The following XIRP2 variants were observed in gnomAD, a reference collection of about 807,000 sequenced individuals.
XIRP2 encodes the protein xin actin-binding repeat-containing protein 2.
XIRP2 carries 236 observed loss-of-function variants against 277.0 expected under a neutral mutation model. The observed-to-expected ratio is 0.85, with a 90% confidence interval of 0.77 to 0.95. XIRP2 has a LOEUF of 0.95. XIRP2 is among the 40% of genes least tolerant of loss of function. XIRP2 has a pLI of 0.00. For missense variants in XIRP2, 4,640 were observed against 4,157.5 expected, an observed-to-expected ratio of 1.12 and a Z score of -3.19; for synonymous variants, 1,490 against 1,416.5, an observed-to-expected ratio of 1.05 and a Z score of -1.17.
At chr2:166,981,966 G>A (rs980732578) in intron 2 of XIRP2, among the ~76,000 whole-genome samples, 4 of 152,128 alleles carry the variant, frequency 2.6e-5, no homozygotes, top group East Asian at 3.9e-4. Context: ...CCATTAACTC[G>A]TTTAACTCAT....
intron 3 of XIRP2, among the ~76,000 whole-genome samples, chr2:167,160,995 G>A (rs1692346922): frequency 6.6e-6 from 1 of 152,162 alleles, no homozygotes; most frequent in South Asian, 2.1e-4. Context: ...CCAAAACAAA[G>A]GGGCTATAGG....
intron 2 of XIRP2, among the ~76,000 whole-genome samples, chr2:166,965,564 G>GT (rs1383189665): frequency 1.3e-5 from 2 of 151,580 alleles, no homozygotes; most frequent in African/African-American, 2.4e-5. Flanking sequence ...TTCTAAATTT[G>GT]TTTTTTTGTG....
chr2:166,901,676 T>C (rs930684197), intron 1 of XIRP2, among the ~76,000 whole-genome samples: 2 of 152,152 alleles, frequency 1.3e-5, no homozygotes, highest in African/African-American at 4.8e-5. Context: ...CGTCCACATA[T>C]GAGACACAGA....
At chr2:166,915,471 A>G (rs939071888) in intron 2 of XIRP2, among the ~76,000 whole-genome samples, 1 of 152,168 alleles carries the variant, frequency 6.6e-6, no homozygotes, top group Non-Finnish European at 1.5e-5. Context: ...CTGGTTGCCC[A>G]GTTTAGAATA....
At chr2:166,977,322 C>T (rs762119376) in intron 2 of XIRP2, among the ~76,000 whole-genome samples, 10 of 152,124 alleles carry the variant, frequency 6.6e-5, no homozygotes, top group Non-Finnish European at 1.5e-4. Context: ...AACCCATTCT[C>T]GCAGTCAGCA....
At chr2:166,934,713 C>G (rs1685443898) in intron 2 of XIRP2, among the ~76,000 whole-genome samples, 1 of 152,136 alleles carries the variant, frequency 6.6e-6, no homozygotes, top group African/African-American at 2.4e-5. Context: ...CCACTTTCCT[C>G]TCAAAAATGT....
intron 2 of XIRP2, among the ~76,000 whole-genome samples, chr2:166,937,295 G>C (rs1480352324): frequency 6.6e-6 from 1 of 152,146 alleles, no homozygotes; most frequent in Non-Finnish European, 1.5e-5. Flanking sequence ...TTTTTAGCAT[G>C]AAGGGCTACT....
rs1200812972 is a variant in XIRP2, at chr2:167,027,582, CT to C, written c.409-108326del. Among the ~76,000 whole-genome samples the C allele has an allele frequency of 5.3e-5, 8 of 152,126 alleles. No homozygotes were observed. In the East Asian group the frequency reaches 1.4e-3, roughly 26 times the overall value. On this transcript the variant is annotated intron_variant, in intron 2 of 10. Coordinates refer to ENST00000409195, the MANE Select transcript of XIRP2 (RefSeq NM_152381.6). ...ATTCCTTTGGAGGAGGAGAGGTACT[CT>C]GCTTTTTAGAGTTTCCAGGTTTTCT... is the stretch of plus-strand genomic sequence containing the variant.
chr2:167,109,824 T>TCATCAG (rs1366861458), intron 2 of XIRP2, among the ~76,000 whole-genome samples: 2 of 152,186 alleles, frequency 1.3e-5, no homozygotes, highest in African/African-American at 4.8e-5. Context: ...CTCCACTACC[T>TCATCAG]CATCAGCATC....
intron 2 of XIRP2, among the ~76,000 whole-genome samples, chr2:167,029,582 T>G (rs1688272556): frequency 6.6e-6 from 1 of 152,136 alleles, no homozygotes; most frequent in South Asian, 2.1e-4. Context: ...GATAAGCTTT[T>G]TGGTGTGCTG....
At chr2:166,956,077 C>A (rs78321326) in intron 2 of XIRP2, among the ~76,000 whole-genome samples, 4,586 of 151,806 alleles carry the variant, frequency 0.03, 101 homozygotes, top group East Asian at 0.079. Context: ...CTTTCTTGGT[C>A]AATTCTATTT....
At chr2:167,023,277 C>T (rs1229121961) in intron 2 of XIRP2, among the ~76,000 whole-genome samples, 2 of 151,982 alleles carry the variant, frequency 1.3e-5, no homozygotes, top group Non-Finnish European at 1.5e-5. Flanking sequence ...CTGTTCATGT[C>T]CTTCACCCAC....
intron 2 of XIRP2, among the ~76,000 whole-genome samples, chr2:166,916,922 C>T (rs1004216695): frequency 4.6e-5 from 7 of 151,996 alleles, no homozygotes; most frequent in Non-Finnish European, 1.0e-4. Flanking sequence ...TAATGCAACA[C>T]CTGAAGGAGA....
At chr2:167,141,012 T>C (rs552572693) in intron 3 of XIRP2, 1 of 152,276 alleles carries the variant, frequency 6.6e-6, no homozygotes, top group Admixed American at 6.5e-5. Context: ...GTGGTAACTA[T>C]AAATCAGCAC....
intron 2 of XIRP2, among the ~76,000 whole-genome samples, chr2:167,004,450 A>T (rs1373194010): frequency 2.0e-5 from 3 of 151,910 alleles, no homozygotes; most frequent in Non-Finnish European, 2.9e-5. Flanking sequence ...CAACTAAAAC[A>T]TTTAATGCCA....
At chr2:167,209,615 T>G (rs1485699619) in intron 3 of XIRP2, among the ~76,000 whole-genome samples, 3 of 152,014 alleles carry the variant, frequency 2.0e-5, no homozygotes, top group Non-Finnish European at 4.4e-5. Context: ...GTGATGCATA[T>G]ACATAAACTC....
At chr2:166,999,199 T>C (rs1687301783) in intron 2 of XIRP2, among the ~76,000 whole-genome samples, 1 of 152,134 alleles carries the variant, frequency 6.6e-6, no homozygotes. Context: ...GAAAGAGCAG[T>C]TTAAGAAATA....
Position 167,259,389 on chromosome 2 carries a change from C to T in XIRP2, c.*1572C>T, listed in dbSNP as rs1695779006. 1 of 1,550,882 alleles carries T rather than the reference C, an allele frequency of 6.4e-7. No individual in the cohort carries two copies. The highest frequency in any genetic ancestry group is 8.7e-7 in the Non-Finnish European group (1 of 1,151,262). On this transcript the variant is annotated 3_prime_UTR_variant, in exon 11 of 11. Coordinates refer to ENST00000409195, the MANE Select transcript of XIRP2 (RefSeq NM_152381.6). ...AATATCTATGGCCACTGACAGTCCA[C>T]ACTTAGGCACTGAGAGATATTGATG...
At chr2:166,901,002 C>A (rs1190680820) in intron 1 of XIRP2, among the ~76,000 whole-genome samples, 1 of 152,062 alleles carries the variant, frequency 6.6e-6, no homozygotes, top group African/African-American at 2.4e-5. Flanking sequence ...AGAGAGACAG[C>A]AAAGGGCAAA....
Sources: allele counts gnomAD v4.1 joint callset (sites outside exome capture counted in the v4.1 genomes callset), GRCh38; gene constraint gnomAD v4.1.1; transcripts MANE v1.5; gene names NCBI Gene and HGNC (gene_info 2026-07-23, HGNC 2026-07-21).